PTPRG: variants seen among roughly 807,000 people sequenced by gnomAD.
PTPRG encodes receptor-type tyrosine-protein phosphatase gamma.
A neutral mutation model predicts 165.3 loss-of-function variants in PTPRG; 102 were observed. The ratio of observed to expected loss-of-function variants is 0.62; its 90% CI spans 0.53 to 0.73. PTPRG has a LOEUF of 0.73. Ranked by LOEUF, PTPRG falls within the 30% of genes least tolerant of loss-of-function variation. The pLI is 0.00. For synonymous variants in PTPRG, 675 were observed against 669.5 expected, an observed-to-expected ratio of 1.01 and a Z score of -0.13; for missense variants, 1,866 against 1,861.4, an observed-to-expected ratio of 1.00 and a Z score of -0.05.
intron 1 of PTPRG, among the ~76,000 whole-genome samples, chr3:61,637,867 T>C (rs900766263): frequency 1.3e-5 from 2 of 152,256 alleles, no homozygotes; most frequent in East Asian, 1.9e-4. Context: ...GTGAGTGATA[T>C]GTTGAGAGAT....
chr3:61,883,014 C>G (rs150221345), intron 2 of PTPRG, among the ~76,000 whole-genome samples: 9 of 152,154 alleles, frequency 5.9e-5, no homozygotes, highest in Non-Finnish European at 1.0e-4. Flanking sequence ...CAACCTTCAA[C>G]CCCTGTGTTC....
At chr3:61,851,246 T>A (rs2036955631) in intron 2 of PTPRG, among the ~76,000 whole-genome samples, 1 of 152,174 alleles carries the variant, frequency 6.6e-6, no homozygotes, top group African/African-American at 2.4e-5. Flanking sequence ...AAACTCCAGC[T>A]CAGAAAGGAT....
rs182275524 is a variant in PTPRG at position 62,053,449 on chromosome 3, T to C, written c.520-24714T>C. Among the ~76,000 whole-genome samples, 12 of 152,202 alleles carry C rather than the reference T, an allele frequency of 7.9e-5. No individual in the cohort carries two copies. In the East Asian group the frequency reaches 2.1e-3, roughly 27 times the overall value. ...ACCTGGCTAATTTTTGTATTTTTAG[T>C]AGAGACGGGGTTTCTCCATGTTGGC... On this transcript the variant is annotated intron_variant, in intron 4 of 29. Coordinates refer to ENST00000474889, the MANE Select transcript of PTPRG (RefSeq NM_002841.4).
chr3:61,593,709 A>G (rs77926712), intron 1 of PTPRG, among the ~76,000 whole-genome samples: 2 of 37,508 alleles, frequency 5.3e-5, no homozygotes, highest in Non-Finnish European at 1.5e-4. Flanking sequence ...GGAAAACTGG[A>G]AAAAAAAAAA....
chr3:61,957,467 C>T (rs188583782), intron 2 of PTPRG, among the ~76,000 whole-genome samples: 1 of 152,352 alleles, frequency 6.6e-6, no homozygotes, highest in East Asian at 1.9e-4. Context: ...GTATAATGTA[C>T]TCCACAAATT....
intron 2 of PTPRG, among the ~76,000 whole-genome samples, chr3:61,845,887 T>C (rs1167103189): frequency 2.0e-5 from 3 of 152,174 alleles, no homozygotes; most frequent in Non-Finnish European, 4.4e-5. Flanking sequence ...GTATTAGTGA[T>C]TTAAAAGGCA....
At chr3:62,028,517 G>T (rs1177749827) in intron 4 of PTPRG, among the ~76,000 whole-genome samples, 2 of 152,254 alleles carry the variant, frequency 1.3e-5, no homozygotes, top group East Asian at 1.9e-4. Context: ...TTTCATTTCC[G>T]TATATCCACA....
chr3:62,235,726 C>T (rs1180081299), intron 14 of PTPRG, among the ~76,000 whole-genome samples: 1 of 152,142 alleles, frequency 6.6e-6, no homozygotes, highest in Non-Finnish European at 1.5e-5. Flanking sequence ...TCGACTAGGC[C>T]ATCTCTCCTA....
At chr3:61,588,789 A>T (rs972111745) in intron 1 of PTPRG, among the ~76,000 whole-genome samples, 2 of 152,210 alleles carry the variant, frequency 1.3e-5, no homozygotes, top group African/African-American at 4.8e-5. Flanking sequence ...ATATGAAAAA[A>T]ATATATACAC....
rs1244856090 is a variant in PTPRG, at chr3:62,228,064, C to T, written c.2289-3161C>T. On this transcript the variant is annotated intron_variant, in intron 13 of 29. Coordinates refer to ENST00000474889, the MANE Select transcript of PTPRG (RefSeq NM_002841.4). This position sits in a 1 kb window ranked among gnomAD's most constrained non-coding sequence, Gnocchi z 4.1. The stretch of plus-strand genomic sequence containing the variant: ...CCCGCTATTCCCTGCCTGTTTGGCC[C>T]CTGTGGGTGGTTGATTTTGCATTCC... 6.6e-6 allele frequency among the ~76,000 whole-genome samples: 1 copy of T among 151,884 alleles called. No homozygotes were observed. The highest frequency in any genetic ancestry group is 6.6e-5 in the Admixed American group (1 of 15,246).
At chr3:61,780,907 G>A (rs1031702970) in intron 2 of PTPRG, among the ~76,000 whole-genome samples, 25 of 152,354 alleles carry the variant, frequency 1.6e-4, no homozygotes, top group African/African-American at 5.8e-4. Context: ...GATATTATAA[G>A]TTAATGGGAT....
At chr3:61,888,380 C>G (rs2038113593) in intron 2 of PTPRG, among the ~76,000 whole-genome samples, 1 of 151,532 alleles carries the variant, frequency 6.6e-6, no homozygotes, top group Non-Finnish European at 1.5e-5. Context: ...GTCGCCCAGG[C>G]TGGAGTGCAG....
At chr3:62,174,580 G>A (rs1160206397) in intron 8 of PTPRG, among the ~76,000 whole-genome samples, 1 of 152,144 alleles carries the variant, frequency 6.6e-6, no homozygotes, top group Non-Finnish European at 1.5e-5. Context: ...TTTAAAATCA[G>A]TACATTGAGA....
intron 19 of PTPRG, among the ~76,000 whole-genome samples, chr3:62,268,754 TTAAAAATGCATTATAATGCAAAAA>T (rs1701965619): frequency 6.6e-6 from 1 of 152,172 alleles, no homozygotes. Context: ...TTAGTCCCTT[TTAAAAATGCATTATAATGCAAAAA>T]TAAAAATGCA....
chr3:62,271,323 A>G lies in PTPRG; in HGVS notation c.3010-60A>G. Reference sequence around the variant, plus strand: ...TCATGTGTCCTGACACCCTTACATTATTTTTTTCCAGAATGTCCACCCCCC... The same window carrying G: ...TCATGTGTCCTGACACCCTTACATTGTTTTTTTCCAGAATGTCCACCCCCC... On this transcript the variant is annotated intron_variant, in intron 20 of 29. Transcript: ENST00000474889. The surrounding 1 kb of genome is among the most constrained non-coding windows in gnomAD (Gnocchi z 4.1). The G allele has an allele frequency of 7.0e-7, 1 of 1,419,366 alleles. No individual in the cohort carries two copies. The highest frequency in any genetic ancestry group is 9.7e-7 in the Non-Finnish European group (1 of 1,033,518). 87.9% of individuals were successfully genotyped at this position (1,419,366 alleles called of 1,614,324 possible). A position where few individuals can be genotyped will look rare whatever the true frequency, so the allele number is the denominator to read the frequency against.
chr3:62,185,798 A>G (rs1008092234), intron 8 of PTPRG, among the ~76,000 whole-genome samples: 3 of 152,204 alleles, frequency 2.0e-5, no homozygotes, highest in African/African-American at 4.8e-5. Flanking sequence ...GGGTTTATCC[A>G]CAGTGTTCCC....
chr3:61,746,208 A>ATTTTTTTTTTTTTT, intron 1 of PTPRG, among the ~76,000 whole-genome samples: 1 of 81,326 alleles, frequency 1.2e-5, no homozygotes, highest in Non-Finnish European at 2.2e-5. Context: ...ACACACTCTA[A>ATTTTTTTTTTTTTT]TTTTTTTTTT....
At chr3:61,779,848 C>T (rs2034493328) in intron 2 of PTPRG, among the ~76,000 whole-genome samples, 1 of 152,198 alleles carries the variant, frequency 6.6e-6, no homozygotes, top group African/African-American at 2.4e-5. Flanking sequence ...TATGGGGCCA[C>T]AGATGACATG....
intron 2 of PTPRG, among the ~76,000 whole-genome samples, chr3:61,946,077 C>T (rs998032661): frequency 6.6e-6 from 1 of 152,148 alleles, no homozygotes; most frequent in African/African-American, 2.4e-5. Flanking sequence ...CTTATTGATA[C>T]AGTTACTAAT....
Sources: gnomAD v4.1 joint callset for allele counts (sites outside exome capture counted in the v4.1 genomes callset) on GRCh38, gnomAD v4.1.1 for gene constraint, Gnocchi (gnomAD v3.1) non-coding constraint, MANE v1.5 for transcripts, NCBI Gene and HGNC (gene_info 2026-07-23, HGNC 2026-07-21) for gene names.